Variants in RASGRF2 observed in about 807,000 individuals in gnomAD.
RASGRF2 encodes ras-specific guanine nucleotide-releasing factor 2.
RASGRF2 carries 76 observed loss-of-function variants against 151.0 expected under a neutral mutation model. The ratio of observed to expected loss-of-function variants is 0.50; its 90% confidence interval spans 0.42 to 0.61. The LOEUF (loss-of-function observed/expected upper bound fraction) is 0.61. Among genes scored for constraint, RASGRF2 ranks in the 20% least tolerant of loss-of-function variants. The pLI is 0.00. For missense variants in RASGRF2, 1,148 were observed against 1,564.6 expected (o/e 0.73, Z 4.49); for synonymous variants, 504 against 566.5 (o/e 0.89, Z 1.57).
chr5:81,041,296 C>T (rs1048692608), intron 1 of RASGRF2, among the ~76,000 whole-genome samples: 2 of 110,628 alleles, frequency 1.8e-5, no homozygotes, highest in Non-Finnish European at 3.9e-5. Context: ...AGCAAGACTC[C>T]GTCTCAAAAA....
At chr5:81,082,163 C>T (rs963676067) in intron 7 of RASGRF2, among the ~76,000 whole-genome samples, 5 of 152,190 alleles carry the variant, frequency 3.3e-5, no homozygotes, top group African/African-American at 1.2e-4. Flanking sequence ...GAGGAACCAG[C>T]TTCCTACCTG....
chr5:81,048,091 G>C (rs1199499708), intron 2 of RASGRF2, among the ~76,000 whole-genome samples: 1 of 152,166 alleles, frequency 6.6e-6, no homozygotes, highest in Non-Finnish European at 1.5e-5. Context: ...TCACAAATCA[G>C]AGAAGAGTGA....
In RASGRF2 at chr5:81,086,971, G is replaced by A. The variant is rs1419227621; in HGVS notation, c.1390+18G>A. ...CCGCCAAGGTAAGTCCCTGTGAAAT[G>A]GACCCGCGACCTGATGCGCTGTGCG... On this transcript the variant is annotated intron_variant, in intron 9 of 26. Transcript: ENST00000265080. 1.3e-6 allele frequency: 2 copies of A among 1,592,340 alleles called. No homozygotes were observed. The highest frequency in any genetic ancestry group is 2.2e-5 in the East Asian group (1 of 44,776).
At chr5:81,219,939 A>G in intron 26 of RASGRF2, 161 bp downstream of exon 26, 2 of 560,490 alleles carry the variant, frequency 3.6e-6, no homozygotes, top group African/African-American at 1.9e-5. Context: ...AAAAAAAAAA[A>G]AAGAACATCA....
chr5:81,220,626 C>T (rs573020095), intron 26 of RASGRF2, among the ~76,000 whole-genome samples: 18 of 152,144 alleles, frequency 1.2e-4, no homozygotes, highest in African/African-American at 2.2e-4. Flanking sequence ...CCCGCCACCA[C>T]GCCTGGCTAG....
chr5:81,109,573 G>A (rs1387492457), intron 13 of RASGRF2, among the ~76,000 whole-genome samples: 1 of 152,174 alleles, frequency 6.6e-6, no homozygotes, highest in Non-Finnish European at 1.5e-5. Flanking sequence ...GGCTGAGGCA[G>A]GAGAATCACT....
Position 81,094,331 on chromosome 5 carries a change from G to A in RASGRF2, c.1587G>A (p.Leu529=), listed in dbSNP as rs772010001. The change falls in exon 11 of 27, where the codon TTG becomes TTA. Residue 529 remains leucine, a synonymous_variant. Transcript: ENST00000265080. ...GGVLSLIDCT[L]IEEPDASDDD... is the part of the protein sequence containing the mutation. ...TTCTGTCTCTAATAGACTGCACATT[G>A]ATTGAGGAGCCAGATGCAAGCGATG... 6.2e-7 allele frequency: 1 copy of A among 1,613,416 alleles called. No individual in the cohort carries two copies. The highest frequency in any genetic ancestry group is 8.5e-7 in the Non-Finnish European group (1 of 1,179,834).
At chr5:80,963,999 G>GTT (rs149116989) in intron 1 of RASGRF2, among the ~76,000 whole-genome samples, 5 of 141,658 alleles carry the variant, frequency 3.5e-5, no homozygotes, top group Non-Finnish European at 3.1e-5. Context: ...AAAAAAATCC[G>GTT]TTTTTTTTTT....
chr5:81,059,211 CT>C (rs1751333776), intron 2 of RASGRF2, among the ~76,000 whole-genome samples: 1 of 151,220 alleles, frequency 6.6e-6, no homozygotes, highest in Non-Finnish European at 1.5e-5. Flanking sequence ...GTGAAACCCC[CT>C]CTCTACTAAA....
intron 1 of RASGRF2, among the ~76,000 whole-genome samples, chr5:80,969,369 T>A (rs1262177186): frequency 6.7e-6 from 1 of 149,640 alleles, no homozygotes; most frequent in Non-Finnish European, 1.5e-5. Context: ...CTCCTGACCT[T>A]GTGATCTGCC....
At chr5:81,050,624 C>T (rs1347097233) in intron 2 of RASGRF2, among the ~76,000 whole-genome samples, 1 of 152,130 alleles carries the variant, frequency 6.6e-6, no homozygotes, top group Non-Finnish European at 1.5e-5. Flanking sequence ...GGGAATGTCT[C>T]TTCCAGTCTG....
intron 15 of RASGRF2, among the ~76,000 whole-genome samples, chr5:81,115,741 G>A (rs1561214265): frequency 6.6e-6 from 1 of 152,202 alleles, no homozygotes; most frequent in East Asian, 1.9e-4. Context: ...GTCTGTTCAA[G>A]AATCATTGAG....
chr5:81,123,692 G>T lies in RASGRF2; in HGVS notation c.2521G>T (p.Ala841Ser), dbSNP rs761791842. 6.2e-7 allele frequency: 1 copy of T among 1,613,974 alleles called. No homozygotes were observed. Among genetic ancestry groups the T allele is most frequent in the Non-Finnish European group, 8.5e-7 (1 of 1,179,968 alleles). The stretch of plus-strand genomic sequence containing the variant: ...CCGAGCAGGAGTGGAAAGCTCCCCT[G>T]CAGCGGACACCACAGAACTTTCACC... ...ADRAGVESSP[A>S]ADTTELSPCR... Residue 841 changes from alanine to serine, a missense_variant, in exon 16 of 27, where the codon GCA becomes TCA. Coordinates refer to ENST00000265080, the MANE Select transcript of RASGRF2 (RefSeq NM_006909.3).
chr5:81,132,001 A>G (rs1753634181), intron 17 of RASGRF2, among the ~76,000 whole-genome samples: 2 of 152,226 alleles, frequency 1.3e-5, no homozygotes, highest in African/African-American at 4.8e-5. Flanking sequence ...TAGCAGAAGC[A>G]TTATTGTCTC....
At chr5:81,120,500 T>C (rs2112560422) in intron 15 of RASGRF2, among the ~76,000 whole-genome samples, 1 of 152,286 alleles carries the variant, frequency 6.6e-6, no homozygotes, top group South Asian at 2.1e-4. Context: ...GGAGGATCAC[T>C]TGAGCCTAAG....
chr5:81,207,123 A>G (rs536209143), intron 20 of RASGRF2, 123 bp from the exon 21 acceptor site: 29 of 892,290 alleles, frequency 3.3e-5, no homozygotes, highest in East Asian at 5.1e-5. Flanking sequence ...CATTTTTTTC[A>G]TAGTTAGAAT....
intron 2 of RASGRF2, among the ~76,000 whole-genome samples, chr5:81,064,626 C>G (rs1751540896): frequency 6.6e-6 from 1 of 152,138 alleles, no homozygotes; most frequent in African/African-American, 2.4e-5. Context: ...TCTTGTGGGA[C>G]ATTATGGGTA....
chr5:81,171,973 A>T (rs1331007232), intron 17 of RASGRF2, among the ~76,000 whole-genome samples: 3 of 152,214 alleles, frequency 2.0e-5, no homozygotes, highest in Non-Finnish European at 4.4e-5. Context: ...TGATAATTAC[A>T]TAGAACCAAC....
chr5:81,004,557 A>G (rs1749201970), intron 1 of RASGRF2, among the ~76,000 whole-genome samples: 1 of 152,244 alleles, frequency 6.6e-6, no homozygotes. Flanking sequence ...GAGAATCACC[A>G]GACACATAAT....
Sources: gnomAD v4.1 joint callset for allele counts (sites outside exome capture counted in the v4.1 genomes callset) on GRCh38, gnomAD v4.1.1 for gene constraint, MANE v1.5 for transcripts, NCBI Gene and HGNC (gene_info 2026-07-23, HGNC 2026-07-21) for gene names.